EPS15: variants seen among roughly 807,000 people sequenced by gnomAD.
The protein encoded by EPS15 is epidermal growth factor receptor pathway substrate 15.
Under a neutral mutation model 113.8 loss-of-function variants are expected in EPS15, and 72 were observed. The ratio of observed to expected loss-of-function variants is 0.63; its 90% confidence interval spans 0.52 to 0.77. The LOEUF is 0.77. Among genes scored for constraint, EPS15 ranks in the 30% least tolerant of loss-of-function variants. The probability of loss-of-function intolerance (pLI) is 0.00; values close to 1 mark genes in which losing one functional copy is unlikely to be tolerated. For synonymous variants in EPS15, 344 were observed against 363.4 expected (o/e 0.95, Z 0.61); for missense variants, 1,048 against 1,045.8 (o/e 1.00, Z -0.03).
At chr1:51,466,300 T>C (rs1654835577) in intron 5 of EPS15, among the ~76,000 whole-genome samples, 1 of 151,770 alleles carries the variant, frequency 6.6e-6, no homozygotes, top group African/African-American at 2.4e-5. Flanking sequence ...CTATACTTTC[T>C]GTAGGGTAGC....
At chr1:51,443,633 TTTTC>T (rs36193708) in intron 11 of EPS15, among the ~76,000 whole-genome samples, 148,472 of 150,570 alleles carry the variant, frequency 0.99, 73,245 homozygotes, top group Middle Eastern at 1. Flanking sequence ...AAAAATCCAA[TTTTC>T]TTTCTTTCTT....
At chr1:51,480,898 C>T (rs1368483376) in intron 2 of EPS15, among the ~76,000 whole-genome samples, 1 of 152,102 alleles carries the variant, frequency 6.6e-6, no homozygotes, top group Non-Finnish European at 1.5e-5. Context: ...CTGATACATG[C>T]TCATTATGTA....
chr1:51,433,939 G>T (rs1485582908), intron 12 of EPS15, among the ~76,000 whole-genome samples: 1 of 152,156 alleles, frequency 6.6e-6, no homozygotes, highest in African/African-American at 2.4e-5. Context: ...TCTCTTAGTA[G>T]TTTCATCTTT....
At chr1:51,423,264 T>TAC (rs1650934922) in intron 12 of EPS15, 1 of 1,288,608 alleles carries the variant, frequency 7.8e-7, no homozygotes, top group South Asian at 1.2e-5. Flanking sequence ...AACAGTCCCT[T>TAC]ACCATGAGAA....
intron 11 of EPS15, among the ~76,000 whole-genome samples, chr1:51,443,752 A>G (rs920504716): frequency 2.0e-5 from 3 of 151,974 alleles, no homozygotes; most frequent in Admixed American, 1.3e-4. Context: ...TCCTGGGTTC[A>G]AGTGATCCTC....
rs185338397 is a variant in EPS15 at position 51,462,080 on chromosome 1, C to T, written c.502-930G>A. On this transcript the variant is annotated intron_variant, in intron 7 of 24. Coordinates refer to ENST00000371733, the MANE Select transcript of EPS15 (RefSeq NM_001981.3). The stretch of plus-strand genomic sequence containing the variant: ...CTGAAGCAGGTAATTAAAGAAAGGG[C>T]AGCCGGGTGCTGGTGGCTCACGCTG... 4.3e-3 allele frequency: 651 copies of T among 152,254 alleles called. 6 individuals are homozygous for T. The highest frequency in any genetic ancestry group is 4.9e-3 in the Non-Finnish European group (333 of 68,100). 9.4% of individuals were successfully genotyped at this position (152,254 alleles called of 1,614,324 possible). A position where few individuals can be genotyped will look rare whatever the true frequency, so the allele number is the denominator to read the frequency against.
chr1:51,371,437 ATGTT>A (rs1646648217), intron 21 of EPS15, among the ~76,000 whole-genome samples: 1 of 151,708 alleles, frequency 6.6e-6, no homozygotes, highest in Non-Finnish European at 1.5e-5. Flanking sequence ...GCCTAGGCTC[ATGTT>A]TGTTTGTGTA....
intron 5 of EPS15, among the ~76,000 whole-genome samples, chr1:51,466,574 G>T (rs1654859512): frequency 6.6e-6 from 1 of 151,426 alleles, no homozygotes; most frequent in Non-Finnish European, 1.5e-5. Context: ...AGAGAGCTGA[G>T]ATTGCACCAC....
chr1:51,480,675 A>G (rs1299518927), intron 2 of EPS15, among the ~76,000 whole-genome samples: 2 of 152,206 alleles, frequency 1.3e-5, no homozygotes, highest in African/African-American at 4.8e-5. Context: ...CACCAAACCC[A>G]GCTAATTTTG....
rs1244987785 is a variant in EPS15 at position 51,481,368 on chromosome 1, A to T, written c.34-54T>A. ...ATGCTATTCATTAACTTCTATTAACATATTTGGCATTCATTCAACAGATAT... is the reference window on the plus strand; with the variant it reads ...ATGCTATTCATTAACTTCTATTAACTTATTTGGCATTCATTCAACAGATAT... On this transcript the variant is annotated intron_variant, in intron 1 of 24. Coordinates refer to ENST00000371733, the MANE Select transcript of EPS15 (RefSeq NM_001981.3). 16 of 801,632 alleles carry T rather than the reference A, an allele frequency of 2.0e-5. No individual in the cohort carries two copies. In the East Asian group the frequency reaches 3.8e-4, roughly 19 times the overall value. 49.7% of individuals were successfully genotyped at this position (801,632 alleles called of 1,614,324 possible).
intron 21 of EPS15, among the ~76,000 whole-genome samples, chr1:51,368,164 T>A (rs1005313041): frequency 6.6e-6 from 1 of 152,086 alleles, no homozygotes; most frequent in Non-Finnish European, 1.5e-5. Context: ...AAAAGAAAAG[T>A]TATCCTCAAA....
intron 4 of EPS15, 108 bp from the exon 5 acceptor site, chr1:51,468,676 AG>A: frequency 1.4e-6 from 1 of 715,220 alleles, no homozygotes; most frequent in Admixed American, 2.9e-5. Context: ...ATTACTACAG[AG>A]GTCTTATGTA....
intron 1 of EPS15, among the ~76,000 whole-genome samples, chr1:51,488,472 T>TAAAAAAAAAAAAAAAAAAAAA (rs71063033): frequency 1.2e-5 from 1 of 85,304 alleles, no homozygotes; most frequent in Non-Finnish European, 2.3e-5. Flanking sequence ...TAAAGTTTTG[T>TAAAAAAAAAAAAAAAAAAAAA]AAAAAAAAAA....
chr1:51,401,286 A>G (rs1648527593), intron 18 of EPS15: 1 of 180,236 alleles, frequency 5.5e-6, no homozygotes, highest in Non-Finnish European at 1.1e-5. Flanking sequence ...AAAAAAAAAA[A>G]ATTCTTACAG....
rs573768988 is a variant in EPS15 at position 51,471,723 on chromosome 1, G to A, written c.180C>T (p.Ala60=). 10 of 1,608,756 alleles carry A rather than the reference G, an allele frequency of 6.2e-6. No individual in the cohort carries two copies. The highest frequency in any genetic ancestry group is 2.2e-5 in the South Asian group (2 of 90,536). The part of the protein sequence containing the change: ...DLILGKIWDL[A]DTDGKGILNK... ...TCAGGATACCTTTGCCATCTGTGTC[G>A]GCTAAATCCCAAATCTGAAATTTAG... Residue 60 remains alanine, a synonymous_variant, in exon 4 of 25, where the codon GCC becomes GCT. Coordinates refer to ENST00000371733, the MANE Select transcript of EPS15 (RefSeq NM_001981.3).
chr1:51,383,680 C>T (rs894543337), intron 21 of EPS15, among the ~76,000 whole-genome samples: 1 of 152,302 alleles, frequency 6.6e-6, no homozygotes, highest in Admixed American at 6.5e-5. Context: ...AGGCCACAGA[C>T]TGGTACTGGT....
rs71063034 is a variant in EPS15, at chr1:51,489,286, C to CATAT, written c.34-7976_34-7973dup. On this transcript the variant is annotated intron_variant, in intron 1 of 24. Transcript: ENST00000371733. ...TTTTACAAAGTATAGCCTAGTATACCATATATATATATATATATATGTATG... is the reference window on the plus strand; with the variant it reads ...TTTTACAAAGTATAGCCTAGTATACCATATATATATATATATATATATATGTATG... Among the ~76,000 whole-genome samples the CATAT allele has an allele frequency of 2.2e-3, 317 of 141,710 alleles. 1 individual carries two copies. The highest frequency in any genetic ancestry group is 7.0e-3 in the South Asian group (31 of 4,454). The allele number at this position is 141,710 out of a possible 152,430, so 93.0% of individuals were successfully genotyped here.
At chr1:51,497,411 A>G (rs1372936998) in intron 1 of EPS15, among the ~76,000 whole-genome samples, 1 of 152,224 alleles carries the variant, frequency 6.6e-6, no homozygotes, top group Admixed American at 6.5e-5. Flanking sequence ...AGTCACAAAA[A>G]AGTTAATCAT....
intron 21 of EPS15, among the ~76,000 whole-genome samples, chr1:51,390,164 A>G (rs1443999498): frequency 6.6e-6 from 1 of 152,146 alleles, no homozygotes; most frequent in Non-Finnish European, 1.5e-5. Flanking sequence ...AACGCCGCAT[A>G]TCTACAACTA....
Sources: gnomAD v4.1 joint callset for allele counts (sites outside exome capture counted in the v4.1 genomes callset) on GRCh38, gnomAD v4.1.1 for gene constraint, MANE v1.5 for transcripts, NCBI Gene and HGNC (gene_info 2026-07-23, HGNC 2026-07-21) for gene names.